DSCAM: variants seen among roughly 807,000 people sequenced by gnomAD.
DSCAM encodes DS cell adhesion molecule, also known as cell adhesion molecule DSCAM.
DSCAM carries 47 observed loss-of-function variants against 217.7 expected under a neutral mutation model. The observed-to-expected ratio is 0.22, with a 90% CI of 0.17 to 0.28. The LOEUF (loss-of-function observed/expected upper bound fraction) is 0.28, where lower values mean the gene tolerates loss of function less well. Ranked by LOEUF, DSCAM falls within the 10% of genes least tolerant of loss-of-function variation. The pLI, the probability that DSCAM is intolerant of heterozygous loss-of-function variation, is 1.00. For synonymous variants in DSCAM, 1,056 were observed against 1,015.3 expected (o/e 1.04, Z -0.76); for missense variants, 2,080 against 2,618.3 (o/e 0.79, Z 4.49).
intron 3 of DSCAM, among the ~76,000 whole-genome samples, chr21:40,675,510 C>A (rs1193027956): frequency 6.6e-6 from 1 of 152,178 alleles, no homozygotes; most frequent in African/African-American, 2.4e-5. Flanking sequence ...AAATAACTGT[C>A]CCTAATTTAC....
At chr21:40,116,588 G>A (rs1485546187) in intron 20 of DSCAM, among the ~76,000 whole-genome samples, 1 of 151,826 alleles carries the variant, frequency 6.6e-6, no homozygotes, top group Non-Finnish European at 1.5e-5. Context: ...TAGAAGCACT[G>A]CACAAAGGTC....
At chr21:40,027,186 A>T (rs1414356662) in intron 32 of DSCAM, among the ~76,000 whole-genome samples, 1 of 152,278 alleles carries the variant, frequency 6.6e-6, no homozygotes, top group Non-Finnish European at 1.5e-5. Flanking sequence ...CTTTTCTTTA[A>T]GAATGTTGAA....
intron 3 of DSCAM, among the ~76,000 whole-genome samples, chr21:40,663,412 A>G (rs2090164157): frequency 6.6e-6 from 1 of 151,946 alleles, no homozygotes; most frequent in Non-Finnish European, 1.5e-5. Flanking sequence ...ACAACGTGGA[A>G]TTGCCTGTGT....
chr21:40,300,651 G>T (rs1212371713), intron 9 of DSCAM, among the ~76,000 whole-genome samples: 2 of 152,144 alleles, frequency 1.3e-5, no homozygotes, highest in Non-Finnish European at 2.9e-5. Context: ...CAGGAGTCAG[G>T]GTATAAATTC....
rs1415728539 is a variant in DSCAM at position 40,312,315 on chromosome 21, CAATGGAG to C, written c.1821_1827del (p.Phe607LeufsTer35). The stretch of plus-strand genomic sequence containing the variant: ...ACACAGGGGATGAAGACCCGCTGCC[CAATGGAG>C]AATCTTGGAAACTCAAAGGGTTGTA... On this transcript the variant is annotated frameshift_variant, in exon 9 of 33. Transcript: ENST00000400454. LOFTEE classifies it high-confidence loss of function. 1 of 1,613,868 alleles carries C rather than the reference CAATGGAG, an allele frequency of 6.2e-7. No individual in the cohort carries two copies. Among genetic ancestry groups the C allele is most frequent in the Non-Finnish European group, 8.5e-7 (1 of 1,180,008 alleles).
rs369465270 is a variant in DSCAM at position 40,624,036 on chromosome 21, G to T, written c.508+68774C>A. Reference sequence around the variant, plus strand: ...CATATGGCGATAAGTCTTGAGGATGGTTTTTTTTGCCCTGTGTTCTGATCA... The same window carrying T: ...CATATGGCGATAAGTCTTGAGGATGTTTTTTTTTGCCCTGTGTTCTGATCA... On this transcript the variant is annotated intron_variant, in intron 3 of 32. Transcript: ENST00000400454. 9.9e-5 allele frequency among the ~76,000 whole-genome samples: 15 copies of T among 151,788 alleles called. 1 individual carries two copies. Among genetic ancestry groups the T allele is most frequent in the East Asian group, 5.8e-4 (3 of 5,174 alleles).
At chr21:40,042,262 G>C in intron 32 of DSCAM, 109 bp downstream of exon 32, 1 of 1,160,284 alleles carries the variant, frequency 8.6e-7, no homozygotes, top group Non-Finnish European at 1.2e-6. Context: ...TCCATAAACA[G>C]AGCACCCATT....
intron 1 of DSCAM, among the ~76,000 whole-genome samples, chr21:40,825,787 G>C (rs952383933): frequency 2.0e-5 from 3 of 152,048 alleles, no homozygotes; most frequent in African/African-American, 7.2e-5. Flanking sequence ...AGGGCATAAT[G>C]CTTGTTGATC....
chr21:40,693,214 C>G (rs1454495504), intron 2 of DSCAM, among the ~76,000 whole-genome samples: 2 of 152,078 alleles, frequency 1.3e-5, no homozygotes, highest in African/African-American at 2.4e-5. Flanking sequence ...ATGGGTAGAT[C>G]CCTTGTGCCC....
intron 16 of DSCAM, among the ~76,000 whole-genome samples, chr21:40,148,445 T>C (rs900248347): frequency 2.0e-5 from 3 of 152,158 alleles, no homozygotes; most frequent in Non-Finnish European, 4.4e-5. Context: ...CGGCTGCACA[T>C]CTCTGTAAAC....
intron 13 of DSCAM, 100 bp from the exon 14 acceptor site, chr21:40,187,359 A>T: frequency 7.0e-7 from 1 of 1,428,310 alleles, no homozygotes; most frequent in Admixed American, 2.4e-5. Flanking sequence ...ATTTGTCTGC[A>T]TTAGACAAGA....
intron 3 of DSCAM, among the ~76,000 whole-genome samples, chr21:40,663,790 C>T (rs1014857667): frequency 5.9e-5 from 9 of 152,270 alleles, no homozygotes; most frequent in African/African-American, 2.2e-4. Flanking sequence ...GTGCTCCTGT[C>T]AGAGTTTCTG....
intron 3 of DSCAM, among the ~76,000 whole-genome samples, chr21:40,543,429 A>G (rs947347204): frequency 6.6e-6 from 1 of 152,226 alleles, no homozygotes; most frequent in Non-Finnish European, 1.5e-5. Flanking sequence ...CATTGGCCTC[A>G]TGACCCAGAA....
intron 10 of DSCAM, among the ~76,000 whole-genome samples, chr21:40,292,009 G>C (rs2073898256): frequency 6.6e-6 from 1 of 152,064 alleles, no homozygotes; most frequent in African/African-American, 2.4e-5. Context: ...ATGGCATTAA[G>C]CTGTGGACTT....
chr21:40,579,084 T>C (rs914269284), intron 3 of DSCAM, among the ~76,000 whole-genome samples: 3 of 152,106 alleles, frequency 2.0e-5, no homozygotes, highest in African/African-American at 4.8e-5. Flanking sequence ...GAATGGGCTA[T>C]AGGGATCAAA....
intron 20 of DSCAM, among the ~76,000 whole-genome samples, chr21:40,105,777 AAGAAT>A (rs980092292): frequency 2.4e-4 from 36 of 152,326 alleles, no homozygotes; most frequent in African/African-American, 7.9e-4. Flanking sequence ...CACTTTCTTA[AAGAAT>A]AGAAGTCAAA....
intron 3 of DSCAM, among the ~76,000 whole-genome samples, chr21:40,475,430 T>C (rs2075925223): frequency 1.3e-5 from 2 of 152,214 alleles, no homozygotes; most frequent in African/African-American, 2.4e-5. Flanking sequence ...TTCGTCATGA[T>C]TGTAGATTAG....
intron 3 of DSCAM, among the ~76,000 whole-genome samples, chr21:40,581,350 G>A (rs920008498): frequency 7.2e-5 from 11 of 152,032 alleles, no homozygotes; most frequent in Non-Finnish European, 1.6e-4. Context: ...GTTCACCTAG[G>A]ACCTTTTATA....
At chr21:40,405,211 A>G (rs1414653699) in intron 3 of DSCAM, among the ~76,000 whole-genome samples, 1 of 152,162 alleles carries the variant, frequency 6.6e-6, no homozygotes, top group African/African-American at 2.4e-5. Context: ...GCAGAGGTAG[A>G]CCCTGGGAAA....
Sources: allele counts gnomAD v4.1 joint callset (sites outside exome capture counted in the v4.1 genomes callset), GRCh38; gene constraint gnomAD v4.1.1; transcripts MANE v1.5; gene names NCBI Gene and HGNC (gene_info 2026-07-23, HGNC 2026-07-21).